The following FGL1 variants were observed in gnomAD, a reference collection of about 807,000 sequenced individuals.
FGL1 encodes fibrinogen-like protein 1.
Under a neutral mutation model 43.7 loss-of-function variants are expected in FGL1, and 59 were observed. The observed-to-expected ratio is 1.35, with a 90% CI of 1.10 to 1.68. The LOEUF (loss-of-function observed/expected upper bound fraction) is 1.68. Ranked by LOEUF, FGL1 falls within the 40% of genes most tolerant of loss-of-function variation. The pLI is 0.00. For missense variants in FGL1, 596 were observed against 373.0 expected, an observed-to-expected ratio of 1.60 and a Z score of -4.92; for synonymous variants, 192 against 126.5, an observed-to-expected ratio of 1.52 and a Z score of -3.48.
At position 17,868,813 on chromosome 8, in the gene FGL1, A is replaced by AAGAAC. The variant is rs1304460613; in HGVS notation, c.592-83_592-79dup. On this transcript the variant is annotated intron_variant, in intron 6 of 7. Coordinates refer to ENST00000427924, the MANE Select transcript of FGL1 (RefSeq NM_004467.4). ...AAAATTAAGTTTATTTCATAAACAA[A>AAGAAC]AGAACAGGTTCTATTGTATATTTTT... is the stretch of plus-strand genomic sequence containing the variant. The AAGAAC allele has an allele frequency of 1.2e-5, 18 of 1,479,522 alleles. No homozygotes were observed. In the East Asian group the frequency reaches 3.0e-4, roughly 24 times the overall value. 91.6% of individuals were successfully genotyped at this position (1,479,522 alleles called of 1,614,324 possible).
intron 1 of FGL1, among the ~76,000 whole-genome samples, chr8:17,886,734 G>C (rs1325653185): frequency 2.6e-5 from 4 of 152,096 alleles, no homozygotes; most frequent in African/African-American, 9.7e-5. Flanking sequence ...CTCCAGCCTG[G>C]GTGACAGAGT....
At position 17,868,937 on chromosome 8, in the gene FGL1, A is replaced by G; in HGVS notation, c.570T>C (p.Asn190=). The G allele has an allele frequency of 6.3e-7, 1 of 1,599,284 alleles. No homozygotes were observed. The highest frequency in any genetic ancestry group is 1.2e-5 in the South Asian group (1 of 86,886). The change falls in exon 6 of 8, where the codon AAT becomes AAC. Residue 190 remains asparagine (N), a synonymous_variant. Transcript: ENST00000427924. ...EKNSRYAQYK[N]FKVGDEKNFY... is the part of the protein sequence containing the mutation. ...GTACCTTTTCATCTCCAACTTTGAA[A>G]TTCTTATATTGTGCATAACGGCTAT...
At chr8:17,886,072 G>A (rs1177551700) in intron 1 of FGL1, among the ~76,000 whole-genome samples, 1 of 152,252 alleles carries the variant, frequency 6.6e-6, no homozygotes, top group Non-Finnish European at 1.5e-5. Context: ...GAAAGCAAAG[G>A]TCACACCTTG....
chr8:17,870,314 T>TC lies in FGL1; in HGVS notation c.503-1311dup, dbSNP rs201502975. On this transcript the variant is annotated intron_variant, in intron 5 of 7. Transcript: ENST00000427924. The stretch of plus-strand genomic sequence containing the variant: ...TGCTACCTTCAAGTAATCTTTTTTT[T>TC]CCCATTGTTTGGAAATAACAAAGAC... Among the ~76,000 whole-genome samples the TC allele has an allele frequency of 3.5e-4, 54 of 152,286 alleles. No individual in the cohort carries two copies. The East Asian group carries it at 8.7e-3, about 24-fold the overall frequency.
intron 4 of FGL1, 97 bp downstream of exon 4, chr8:17,874,265 T>C: frequency 3.5e-6 from 5 of 1,412,074 alleles, no homozygotes; most frequent in South Asian, 1.2e-5. Flanking sequence ...ATTGAAATTC[T>C]GTCTAATTAA....
intron 1 of FGL1, 153 bp downstream of exon 1, chr8:17,895,294 T>C (rs1400039708): frequency 9.4e-7 from 1 of 1,064,878 alleles, no homozygotes; most frequent in East Asian, 7.1e-5. Context: ...CTAAATCTCT[T>C]CTCCAAGTAG....
chr8:17,889,915 G>C (rs1038556071), intron 1 of FGL1, among the ~76,000 whole-genome samples: 5 of 152,138 alleles, frequency 3.3e-5, no homozygotes, highest in African/African-American at 1.2e-4. Flanking sequence ...CAAAAAAATA[G>C]GTTCAAAATA....
chr8:17,885,255 G>A (rs950184686), intron 2 of FGL1, among the ~76,000 whole-genome samples: 68 of 151,952 alleles, frequency 4.5e-4, no homozygotes, highest in Non-Finnish European at 1.8e-4. Context: ...ATATTGGCCA[G>A]GCTGGTTGCG....
At chr8:17,885,908 A>G (rs1381665489) in intron 1 of FGL1, 1 of 180,782 alleles carries the variant, frequency 5.5e-6, no homozygotes, top group African/African-American at 2.4e-5. Flanking sequence ...CGTAGTCAAA[A>G]TCTGCACGCT....
chr8:17,876,630 T>C (rs1425801046), intron 3 of FGL1, among the ~76,000 whole-genome samples: 4 of 152,210 alleles, frequency 2.6e-5, no homozygotes, highest in Admixed American at 2.6e-4. Flanking sequence ...TGTAGTCAAG[T>C]ATATAGTACA....
chr8:17,881,953 T>C, intron 3 of FGL1, 46 bp downstream of exon 3: 1 of 1,533,858 alleles, frequency 6.5e-7, no homozygotes, highest in Non-Finnish European at 9.0e-7. Context: ...TGTACATGGG[T>C]GCATAATGTA....
At chr8:17,867,619 C>A (rs1425748910) in intron 7 of FGL1, among the ~76,000 whole-genome samples, 1 of 152,196 alleles carries the variant, frequency 6.6e-6, no homozygotes, top group Non-Finnish European at 1.5e-5. Context: ...CGAACACGAG[C>A]ACTATGAAAC....
At position 17,868,954 on chromosome 8, in the gene FGL1, A is replaced by G. The variant is rs1208894640; in HGVS notation, c.553T>C (p.Tyr185His). ...DLADFEKNSR[Y>H]AQYKNFKVGD... is the part of the protein sequence containing the mutation. ...ACTTTGAAATTCTTATATTGTGCAT[A>G]ACGGCTATTTTTTTCAAAATCTGCA... Residue 185 changes from tyrosine (Y) to histidine (H), a missense_variant, in exon 6 of 8, where the codon TAT (tyrosine) becomes CAT (histidine). By Grantham distance (83) the Tyr-to-His change is moderately conservative. Transcript: ENST00000427924. 6.2e-7 allele frequency: 1 copy of G among 1,607,278 alleles called. No individual in the cohort carries two copies. Among genetic ancestry groups the G allele is most frequent in the African/African-American group, 1.3e-5 (1 of 74,712 alleles).
chr8:17,866,314 A>C (rs1046692162), intron 7 of FGL1, among the ~76,000 whole-genome samples: 1 of 151,468 alleles, frequency 6.6e-6, no homozygotes, highest in African/African-American at 2.4e-5. Context: ...CTAACAAAGA[A>C]AAGACATCAA....
intron 1 of FGL1, among the ~76,000 whole-genome samples, chr8:17,888,102 G>A (rs181939302): frequency 1.3e-5 from 2 of 151,914 alleles, no homozygotes; most frequent in Non-Finnish European, 2.9e-5. Context: ...TATATGTAAT[G>A]TATTAAATAT....
rs2053618594 is a variant in FGL1, at chr8:17,885,736, A to T, written c.-17-165T>A. ...AGACTTTCCCAGCCTCTCACCACAC[A>T]GAATGACACTGAGTGTTAACTAGAA... On this transcript the variant is annotated intron_variant, in intron 1 of 7. Transcript: ENST00000427924. 26 of 595,278 alleles carry T rather than the reference A, an allele frequency of 4.4e-5. 2 individuals are homozygous for T. The South Asian group carries it at 5.5e-4, about 13-fold the overall frequency. 36.9% of individuals were successfully genotyped at this position (595,278 alleles called of 1,614,324 possible). A position where few individuals can be genotyped will look rare whatever the true frequency, so the allele number is the denominator to read the frequency against.
chr8:17,883,767 A>G (rs2131732808), intron 2 of FGL1, among the ~76,000 whole-genome samples: 1 of 146,958 alleles, frequency 6.8e-6, no homozygotes, highest in East Asian at 2.0e-4. Flanking sequence ...TCTCCCAGCC[A>G]TTTTTCTAGG....
At chr8:17,888,497 T>C (rs1005272038) in intron 1 of FGL1, among the ~76,000 whole-genome samples, 2 of 152,226 alleles carry the variant, frequency 1.3e-5, no homozygotes, top group Non-Finnish European at 1.5e-5. Flanking sequence ...AGATTATGTC[T>C]ACAAATTAAG....
chr8:17,876,702 A>G (rs2517301), intron 3 of FGL1, among the ~76,000 whole-genome samples: 2 of 151,964 alleles, frequency 1.3e-5, no homozygotes, highest in Non-Finnish European at 2.9e-5. Flanking sequence ...TGCTTACATT[A>G]AATTTCCTAC....
Sources: allele counts gnomAD v4.1 joint callset (sites outside exome capture counted in the v4.1 genomes callset), GRCh38; gene constraint gnomAD v4.1.1; transcripts MANE v1.5; gene names NCBI Gene and HGNC (gene_info 2026-07-23, HGNC 2026-07-21).